UBE2E2: variants seen among roughly 807,000 people sequenced by gnomAD.
UBE2E2 encodes ubiquitin conjugating enzyme E2 E2, also known as ubiquitin-conjugating enzyme E2 E2.
Under a neutral mutation model 24.7 loss-of-function variants are expected in UBE2E2, and 6 were observed. The ratio of observed to expected loss-of-function variants is 0.24; its 90% CI spans 0.13 to 0.48. The LOEUF is 0.48. Among genes scored for constraint, UBE2E2 ranks in the 20% least tolerant of loss-of-function variants. UBE2E2 has a pLI of 0.99. For synonymous variants in UBE2E2, 104 were observed against 83.6 expected, an observed-to-expected ratio of 1.24 and a Z score of -1.33; for missense variants, 169 against 245.0, an observed-to-expected ratio of 0.69 and a Z score of 2.07.
chr3:23,247,503 C>T (rs1169600083), intron 3 of UBE2E2, among the ~76,000 whole-genome samples: 4 of 152,018 alleles, frequency 2.6e-5, no homozygotes, highest in Non-Finnish European at 4.4e-5. Flanking sequence ...TACAGGTGCC[C>T]GCCACCAAGC....
chr3:23,279,487 CATT>C (rs1296630364), intron 3 of UBE2E2, among the ~76,000 whole-genome samples: 1 of 152,110 alleles, frequency 6.6e-6, no homozygotes, highest in East Asian at 1.9e-4. Context: ...CCAGATATAA[CATT>C]AATATAACAT....
intron 3 of UBE2E2, among the ~76,000 whole-genome samples, chr3:23,282,102 G>A (rs1011378225): frequency 5.3e-5 from 8 of 152,268 alleles, no homozygotes; most frequent in South Asian, 4.1e-4. Flanking sequence ...ACTCATCTCC[G>A]TCTTATTCCA....
intron 3 of UBE2E2, among the ~76,000 whole-genome samples, chr3:23,340,485 C>A (rs1288619740): frequency 6.6e-6 from 1 of 152,068 alleles, no homozygotes; most frequent in Non-Finnish European, 1.5e-5. Flanking sequence ...AGCACACAGT[C>A]ACACCTAATC....
chr3:23,259,908 G>C (rs1221761852), intron 3 of UBE2E2, among the ~76,000 whole-genome samples: 1 of 152,214 alleles, frequency 6.6e-6, no homozygotes. Flanking sequence ...AATTAGATCA[G>C]TAGACTGCAA....
At chr3:23,433,814 A>G (rs1382223256) in intron 3 of UBE2E2, among the ~76,000 whole-genome samples, 1 of 152,016 alleles carries the variant, frequency 6.6e-6, no homozygotes, top group Non-Finnish European at 1.5e-5. Flanking sequence ...AAAGCTAACT[A>G]ATAGAAGTAT....
intron 3 of UBE2E2, among the ~76,000 whole-genome samples, chr3:23,496,405 C>T (rs2125453447): frequency 6.6e-6 from 1 of 152,262 alleles, no homozygotes; most frequent in South Asian, 2.1e-4. Flanking sequence ...CTTCTCCAAC[C>T]TCTGCTCCTA....
intron 3 of UBE2E2, among the ~76,000 whole-genome samples, chr3:23,311,577 A>C (rs997616479): frequency 2.0e-5 from 3 of 152,184 alleles, no homozygotes; most frequent in Non-Finnish European, 4.4e-5. Flanking sequence ...AACCTTGGTC[A>C]GTTGCTTACA....
intron 3 of UBE2E2, among the ~76,000 whole-genome samples, chr3:23,353,219 A>G (rs2125322887): frequency 6.6e-6 from 1 of 152,326 alleles, no homozygotes; most frequent in East Asian, 1.9e-4. Context: ...TAAATTAGGT[A>G]TTGATGGGAC....
At chr3:23,358,518 T>A (rs1696029024) in intron 3 of UBE2E2, among the ~76,000 whole-genome samples, 1 of 152,142 alleles carries the variant, frequency 6.6e-6, no homozygotes, top group African/African-American at 2.4e-5. Context: ...CAAATATCAA[T>A]AAGTACGTTT....
intron 3 of UBE2E2, among the ~76,000 whole-genome samples, chr3:23,354,077 A>C (rs1481354860): frequency 6.6e-6 from 1 of 152,170 alleles, no homozygotes; most frequent in African/African-American, 2.4e-5. Context: ...CTCAGAAATA[A>C]CGCCACATAT....
intron 3 of UBE2E2, among the ~76,000 whole-genome samples, chr3:23,380,116 C>T (rs558579812): frequency 4.1e-5 from 6 of 144,830 alleles, no homozygotes; most frequent in Non-Finnish European, 6.0e-5. Flanking sequence ...CCTGAAATTG[C>T]GAACTTCTCT....
chr3:23,274,953 C>T (rs1249527410), intron 3 of UBE2E2, among the ~76,000 whole-genome samples: 1 of 152,124 alleles, frequency 6.6e-6, no homozygotes, highest in Non-Finnish European at 1.5e-5. Flanking sequence ...GAGTGCTGGT[C>T]AGGACCTGAG....
chr3:23,404,161 C>T (rs976327010), intron 3 of UBE2E2, among the ~76,000 whole-genome samples: 2 of 152,098 alleles, frequency 1.3e-5, no homozygotes, highest in African/African-American at 4.8e-5. Context: ...CACATATGTA[C>T]ACATTCATAG....
intron 3 of UBE2E2, among the ~76,000 whole-genome samples, chr3:23,328,776 C>T (rs775988211): frequency 6.6e-6 from 1 of 152,088 alleles, no homozygotes; most frequent in Non-Finnish European, 1.5e-5. Flanking sequence ...ATTCTCCTGC[C>T]TCAGCCTCCT....
intron 3 of UBE2E2, among the ~76,000 whole-genome samples, chr3:23,244,287 CA>C (rs1276625264): frequency 2.0e-5 from 3 of 152,114 alleles, no homozygotes; most frequent in Non-Finnish European, 4.4e-5. Flanking sequence ...ATTATGTTGT[CA>C]CCATATGTTT....
chr3:23,383,639 T>C (rs796277974), intron 3 of UBE2E2, among the ~76,000 whole-genome samples: 6 of 152,188 alleles, frequency 3.9e-5, no homozygotes, highest in African/African-American at 7.2e-5. Context: ...GAGGTTTTTT[T>C]TGTTTTGTTT....
chr3:23,277,686 G>A (rs891839572), intron 3 of UBE2E2, among the ~76,000 whole-genome samples: 3 of 152,036 alleles, frequency 2.0e-5, no homozygotes, highest in Admixed American at 6.6e-5. Context: ...TGGGCCTTAG[G>A]ATTTAATTAG....
At chr3:23,344,723 C>T (rs1479476467) in intron 3 of UBE2E2, among the ~76,000 whole-genome samples, 1 of 151,544 alleles carries the variant, frequency 6.6e-6, no homozygotes, top group Non-Finnish European at 1.5e-5. Flanking sequence ...TACACATACA[C>T]ACACTAAGTG....
intron 5 of UBE2E2, among the ~76,000 whole-genome samples, chr3:23,564,467 C>A (rs1295757917): frequency 2.6e-5 from 4 of 151,980 alleles, no homozygotes; most frequent in African/African-American, 9.7e-5. Context: ...ATTTTAACAC[C>A]CAAATCCAAT....
Sources: allele counts gnomAD v4.1 joint callset (sites outside exome capture counted in the v4.1 genomes callset), GRCh38; gene constraint gnomAD v4.1.1; transcripts MANE v1.5; gene names NCBI Gene and HGNC (gene_info 2026-07-23, HGNC 2026-07-21).